Variants in SPIN1 observed in about 807,000 individuals in gnomAD.
The protein encoded by SPIN1 is spindlin-1.
Under a neutral mutation model 26.0 loss-of-function variants are expected in SPIN1, and 3 were observed. That is an observed-to-expected ratio of 0.12 (90% CI 0.05 to 0.30). SPIN1 has a LOEUF of 0.30. Ranked by LOEUF, SPIN1 falls within the 10% of genes least tolerant of loss-of-function variation. The pLI is 1.00. For missense variants in SPIN1, 126 were observed against 333.4 expected (o/e 0.38, Z 4.84); for synonymous variants, 101 against 116.5 (o/e 0.87, Z 0.86).
intron 1 of SPIN1, among the ~76,000 whole-genome samples, chr9:88,417,207 CTG>C (rs1827584747): frequency 6.6e-6 from 1 of 152,088 alleles, no homozygotes; most frequent in African/African-American, 2.4e-5. Flanking sequence ...GTATAAATGT[CTG>C]TGATAATTTA....
intron 1 of SPIN1, among the ~76,000 whole-genome samples, chr9:88,395,964 T>C (rs1202920059): frequency 6.6e-6 from 1 of 151,824 alleles, no homozygotes. Flanking sequence ...AGAGAATCAC[T>C]TGAACCTGGG....
chr9:88,461,046 A>G (rs2118183484), intron 3 of SPIN1, among the ~76,000 whole-genome samples: 1 of 152,174 alleles, frequency 6.6e-6, no homozygotes, highest in East Asian at 1.9e-4. Flanking sequence ...TTGTCCAACC[A>G]TGATGCTTCC....
chr9:88,408,971 T>TGTG (rs1827373828), intron 1 of SPIN1, among the ~76,000 whole-genome samples: 2 of 122,484 alleles, frequency 1.6e-5, no homozygotes, highest in African/African-American at 9.6e-5. Flanking sequence ...CCTTTTGTGT[T>TGTG]TGTGTGTGTT....
intron 2 of SPIN1, among the ~76,000 whole-genome samples, chr9:88,427,562 T>A (rs895751797): frequency 6.6e-6 from 1 of 152,124 alleles, no homozygotes; most frequent in Non-Finnish European, 1.5e-5. Context: ...AGCCTTAGTT[T>A]TTCTCATCTA....
chr9:88,458,114 T>C (rs1828506080), intron 3 of SPIN1, among the ~76,000 whole-genome samples: 1 of 152,198 alleles, frequency 6.6e-6, no homozygotes, highest in South Asian at 2.1e-4. Flanking sequence ...AAGTTAAAGA[T>C]AATTGTTGGA....
At chr9:88,449,569 C>A (rs1430309895) in intron 3 of SPIN1, among the ~76,000 whole-genome samples, 1 of 151,932 alleles carries the variant, frequency 6.6e-6, no homozygotes, top group Non-Finnish European at 1.5e-5. Context: ...CTTACAGAAG[C>A]CACTTTTTTC....
intron 1 of SPIN1, among the ~76,000 whole-genome samples, chr9:88,424,591 A>G (rs779850163): frequency 2.6e-5 from 4 of 152,256 alleles, no homozygotes; most frequent in South Asian, 2.1e-4. Flanking sequence ...TGGAAAAACA[A>G]TAAAGCTGTA....
rs146917643 is a variant in SPIN1, at chr9:88,459,809, G to T, written c.102-2687G>T. On this transcript the variant is annotated intron_variant, in intron 3 of 5. Coordinates refer to ENST00000375859, the MANE Select transcript of SPIN1 (RefSeq NM_006717.3). ...AACAGTATCCCCTGCCTTCTGACATGTTCGTTACAGTTTTGTTTGCGGCCT... is the reference window on the plus strand; with the variant it reads ...AACAGTATCCCCTGCCTTCTGACATTTTCGTTACAGTTTTGTTTGCGGCCT... Among the ~76,000 whole-genome samples the T allele has an allele frequency of 7.4e-3, 1,131 of 152,264 alleles. 16 individuals are homozygous for T. Among genetic ancestry groups the T allele is most frequent in the African/African-American group, 0.025 (1,058 of 41,546 alleles).
At position 88,445,966 on chromosome 9, in the gene SPIN1, C is replaced by CT. The variant is rs141624345; in HGVS notation, c.53-2974dup. 4.9e-3 allele frequency among the ~76,000 whole-genome samples: 747 copies of CT among 152,132 alleles called. 18 individuals carry two copies. Among genetic ancestry groups the CT allele is most frequent in the East Asian group, 0.035 (179 of 5,172 alleles). ...AAGTAAGGTTGGTTGTTCGGGTCTTCTGTATTCCTTTTGATTTTCTTTTTT... is the reference window on the plus strand; with the variant it reads ...AAGTAAGGTTGGTTGTTCGGGTCTTCTTGTATTCCTTTTGATTTTCTTTTTT... On this transcript the variant is annotated intron_variant, in intron 2 of 5. Coordinates refer to ENST00000375859, the MANE Select transcript of SPIN1 (RefSeq NM_006717.3).
chr9:88,462,470 T>TC, intron 3 of SPIN1, 26 bp from the exon 4 acceptor site: 1 of 1,608,952 alleles, frequency 6.2e-7, no homozygotes, highest in South Asian at 1.1e-5. Flanking sequence ...AGATAATACC[T>TC]TATGTGTGTA....
chr9:88,410,102 TC>T (rs981629322), intron 1 of SPIN1, among the ~76,000 whole-genome samples: 10 of 152,110 alleles, frequency 6.6e-5, no homozygotes, highest in Non-Finnish European at 1.5e-4. Context: ...CCTCTTTAGA[TC>T]CTGTCTCTCT....
intron 2 of SPIN1, 48 bp downstream of exon 2, chr9:88,426,639 T>G: frequency 6.6e-7 from 1 of 1,507,280 alleles, no homozygotes; most frequent in Non-Finnish European, 9.0e-7. Flanking sequence ...TTTAATATAA[T>G]TCATTTCAAA....
Position 88,441,424 on chromosome 9 carries a change from C to CGA in SPIN1, c.53-7516_53-7515insAG, listed in dbSNP as rs1323241293. Among the ~76,000 whole-genome samples the CGA allele has an allele frequency of 1.8e-4, 16 of 90,460 alleles. No homozygotes were observed. The African/African-American group carries it at 2.5e-3, about 14-fold the overall frequency. The allele number at this position is 90,460 out of a possible 152,430, so 59.3% of individuals were successfully genotyped here. A position where few individuals can be genotyped will look rare whatever the true frequency, so the allele number is the denominator to read the frequency against. ...GTGTGTGTGTGTGTGTGCGCGCGCGCGCGCCCATGTGTGTGTACATACATT... is the reference window on the plus strand; with the variant it reads ...GTGTGTGTGTGTGTGTGCGCGCGCGCGAGCGCCCATGTGTGTGTACATACATT... On this transcript the variant is annotated intron_variant, in intron 2 of 5. Coordinates refer to ENST00000375859, the MANE Select transcript of SPIN1 (RefSeq NM_006717.3).
At chr9:88,445,819 G>A (rs1002919544) in intron 2 of SPIN1, among the ~76,000 whole-genome samples, 15 of 151,954 alleles carry the variant, frequency 9.9e-5, no homozygotes, top group Non-Finnish European at 1.9e-4. Flanking sequence ...GGGATTACAG[G>A]TGTGAGCCAC....
intron 1 of SPIN1, among the ~76,000 whole-genome samples, chr9:88,392,281 A>G (rs1826940069): frequency 6.6e-6 from 1 of 152,190 alleles, no homozygotes; most frequent in Non-Finnish European, 1.5e-5. Flanking sequence ...GAGCCTGTTC[A>G]TGACCTTAAA....
chr9:88,448,158 C>T (rs1351577873), intron 2 of SPIN1, among the ~76,000 whole-genome samples: 1 of 152,052 alleles, frequency 6.6e-6, no homozygotes, highest in African/African-American at 2.4e-5. Context: ...ATCTTCCCAC[C>T]TCAGCCTCCC....
At chr9:88,424,561 T>C (rs1827731356) in intron 1 of SPIN1, among the ~76,000 whole-genome samples, 1 of 152,128 alleles carries the variant, frequency 6.6e-6, no homozygotes, top group South Asian at 2.1e-4. Context: ...AGTTAGTCCC[T>C]GAGGGAGATA....
chr9:88,409,010 T>TGTGTGTGTGTGTGTG (rs1827377525), intron 1 of SPIN1, among the ~76,000 whole-genome samples: 1 of 146,394 alleles, frequency 6.8e-6, no homozygotes, highest in African/African-American at 2.5e-5. Flanking sequence ...TGTGTGTGTG[T>TGTGTGTGTGTGTGTG]TTGAGATGAA....
intron 2 of SPIN1, among the ~76,000 whole-genome samples, chr9:88,447,995 C>G (rs1363063691): frequency 6.6e-6 from 1 of 151,364 alleles, no homozygotes; most frequent in Admixed American, 6.6e-5. Flanking sequence ...TAAGACAGTT[C>G]TGTACCATTT....
Sources: gnomAD v4.1 joint callset for allele counts (sites outside exome capture counted in the v4.1 genomes callset) on GRCh38, gnomAD v4.1.1 for gene constraint, MANE v1.5 for transcripts, NCBI Gene and HGNC (gene_info 2026-07-23, HGNC 2026-07-21) for gene names.